TMEM170A: variants seen among roughly 807,000 people sequenced by gnomAD.
TMEM170A encodes the protein transmembrane protein 170.
A neutral mutation model predicts 12.8 loss-of-function variants in TMEM170A; 18 were observed. The observed-to-expected ratio is 1.41, with a 90% CI of 0.97 to 2.09. The LOEUF (loss-of-function observed/expected upper bound fraction) is 2.09. Ranked by LOEUF, TMEM170A falls within the 30% of genes most tolerant of loss-of-function variation. TMEM170A has a pLI of 0.00. For synonymous variants in TMEM170A, 107 were observed against 76.2 expected (o/e 1.40, Z -2.11); for missense variants, 220 against 179.9 (o/e 1.22, Z -1.28).
chr16:75,446,136 C>G lies in TMEM170A; in HGVS notation c.*1422G>C, dbSNP rs544049346. ...GTTGGAGTGAGCTGAGATTGCACCA[C>G]TGCACTCCAGCCTGGGCAACACAGT... is the stretch of plus-strand genomic sequence containing the variant. On this transcript the variant is annotated 3_prime_UTR_variant, in exon 3 of 3. Coordinates refer to ENST00000561878, the MANE Select transcript of TMEM170A (RefSeq NM_145254.3). The G allele has an allele frequency of 6.6e-6, 1 of 151,016 alleles. No individual in the cohort carries two copies. The highest frequency in any genetic ancestry group is 1.5e-5 in the Non-Finnish European group (1 of 67,922). The allele number at this position is 151,016 out of a possible 1,614,324, so 9.4% of individuals were successfully genotyped here.
intron 1 of TMEM170A, among the ~76,000 whole-genome samples, chr16:75,464,041 C>T (rs1439352866): frequency 3.3e-5 from 5 of 152,230 alleles, no homozygotes; most frequent in Non-Finnish European, 7.3e-5. Context: ...AGCGCGAGCT[C>T]TGACTCCTCA....
intron 2 of TMEM170A, among the ~76,000 whole-genome samples, chr16:75,449,173 G>T (rs766316500): frequency 6.6e-6 from 1 of 152,132 alleles, no homozygotes; most frequent in Non-Finnish European, 1.5e-5. Flanking sequence ...CTTTGTCATA[G>T]TGTGTTCATT....
At chr16:75,463,881 G>A (rs2079948875) in intron 1 of TMEM170A, among the ~76,000 whole-genome samples, 1 of 152,236 alleles carries the variant, frequency 6.6e-6, no homozygotes, top group South Asian at 2.1e-4. Flanking sequence ...AAGGCTTAGT[G>A]GGAGACCCAG....
chr16:75,451,840 C>G lies in TMEM170A; in HGVS notation c.134-1G>C. The G allele has an allele frequency of 6.2e-7, 1 of 1,607,816 alleles. No individual in the cohort carries two copies. The highest frequency in any genetic ancestry group is 8.5e-7 in the Non-Finnish European group (1 of 1,176,596). On this transcript the variant is annotated splice_acceptor_variant, in intron 1 of 2. Transcript: ENST00000561878. LOFTEE classifies it high-confidence loss of function. ...CACAGGAATACACCATACCACATCT[C>G]TATGAGGGAAGACAAAGAAAAGTTG... is the stretch of plus-strand genomic sequence containing the variant.
chr16:75,459,207 C>A lies in TMEM170A; in HGVS notation c.133+5261G>T, dbSNP rs2079856565. On this transcript the variant is annotated intron_variant, in intron 1 of 2. Transcript: ENST00000561878. ...CTGTGCCCAGCCTAGACAGACATAT[C>A]TTTAAGATACATATTCAGAGAGATA... Among the ~76,000 whole-genome samples the A allele has an allele frequency of 5.9e-5, 9 of 152,140 alleles. No individual in the cohort carries two copies. In the South Asian group the frequency reaches 1.9e-3, roughly 32 times the overall value.
At chr16:75,463,755 T>C (rs2151654869) in intron 1 of TMEM170A, among the ~76,000 whole-genome samples, 1 of 152,296 alleles carries the variant, frequency 6.6e-6, no homozygotes, top group East Asian at 1.9e-4. Flanking sequence ...TCCCTCCAGC[T>C]TTCAGGGCAC....
chr16:75,462,762 G>A (rs1307865706), intron 1 of TMEM170A, among the ~76,000 whole-genome samples: 2 of 152,114 alleles, frequency 1.3e-5, no homozygotes, highest in Admixed American at 1.3e-4. Flanking sequence ...GTGAACCTTA[G>A]ATCATGGAAT....
chr16:75,454,763 G>A (rs751558418), intron 1 of TMEM170A, among the ~76,000 whole-genome samples: 1 of 152,182 alleles, frequency 6.6e-6, no homozygotes, highest in Non-Finnish European at 1.5e-5. Context: ...GAGCAGTAAC[G>A]GTTGTCATGA....
At chr16:75,450,376 T>C (rs888959960) in intron 2 of TMEM170A, among the ~76,000 whole-genome samples, 1 of 152,180 alleles carries the variant, frequency 6.6e-6, no homozygotes, top group Non-Finnish European at 1.5e-5. Context: ...GTGGCTATTA[T>C]TTAGGGATGA....
At chr16:75,458,033 C>T (rs1239267208) in intron 1 of TMEM170A, among the ~76,000 whole-genome samples, 1 of 152,250 alleles carries the variant, frequency 6.6e-6, no homozygotes, top group Non-Finnish European at 1.5e-5. Flanking sequence ...CTTTAATCTA[C>T]TGCACCTTAA....
intron 1 of TMEM170A, among the ~76,000 whole-genome samples, chr16:75,453,354 A>C (rs577934805): frequency 3.4e-4 from 52 of 152,322 alleles, no homozygotes; most frequent in Admixed American, 1.1e-3. Flanking sequence ...GGATTGCTTG[A>C]GCCTGGGAGG....
intron 1 of TMEM170A, among the ~76,000 whole-genome samples, chr16:75,463,084 G>C (rs975718652): frequency 6.6e-6 from 1 of 152,142 alleles, no homozygotes; most frequent in East Asian, 1.9e-4. Context: ...GAGAGAAAGA[G>C]AAACAGAAAG....
At chr16:75,454,658 G>A (rs1397909893) in intron 1 of TMEM170A, among the ~76,000 whole-genome samples, 2 of 152,042 alleles carry the variant, frequency 1.3e-5, no homozygotes, top group African/African-American at 4.8e-5. Flanking sequence ...AGCAATGACA[G>A]TTAAAGCTAT....
intron 1 of TMEM170A, among the ~76,000 whole-genome samples, chr16:75,459,253 C>G (rs2079857738): frequency 1.3e-5 from 2 of 152,178 alleles, no homozygotes; most frequent in Non-Finnish European, 2.9e-5. Flanking sequence ...AGAACAGACA[C>G]AGAGAGCAGA....
rs1373771770 is a variant in TMEM170A at position 75,444,592 on chromosome 16, A to C, written c.*2966T>G. 6.6e-6 allele frequency: 1 copy of C among 152,096 alleles called. No homozygotes were observed. Among genetic ancestry groups the C allele is most frequent in the African/African-American group, 2.4e-5 (1 of 41,420 alleles). The allele number at this position is 152,096 out of a possible 1,614,324, so 9.4% of individuals were successfully genotyped here. A position where few individuals can be genotyped will look rare whatever the true frequency, so the allele number is the denominator to read the frequency against. ...CCAATATTCTTCCATCTGAGTGACCACCCCCAAATAATTCTATATTTGAGA... is the reference window on the plus strand; with the variant it reads ...CCAATATTCTTCCATCTGAGTGACCCCCCCCAAATAATTCTATATTTGAGA... On this transcript the variant is annotated 3_prime_UTR_variant, in exon 3 of 3. Transcript: ENST00000561878.
At chr16:75,448,366 C>T (rs973733174) in intron 2 of TMEM170A, among the ~76,000 whole-genome samples, 7 of 152,162 alleles carry the variant, frequency 4.6e-5, no homozygotes, top group Admixed American at 3.9e-4. Flanking sequence ...AAAAACAAAA[C>T]GAAAACCCCT....
Position 75,451,847 on chromosome 16 carries a change from G to A in TMEM170A, c.134-8C>T. The A allele has an allele frequency of 1.2e-6, 2 of 1,601,988 alleles. No individual in the cohort carries two copies. Among genetic ancestry groups the A allele is most frequent in the Non-Finnish European group, 1.7e-6 (2 of 1,173,432 alleles). Reference sequence around the variant, plus strand: ...ATACACCATACCACATCTCTATGAGGGAAGACAAAGAAAAGTTGTGAATCA... The same window carrying A: ...ATACACCATACCACATCTCTATGAGAGAAGACAAAGAAAAGTTGTGAATCA... On this transcript the variant is annotated splice_region_variant and splice_polypyrimidine_tract_variant and intron_variant, in intron 1 of 2. Transcript: ENST00000561878.
chr16:75,463,262 G>A (rs8054194), intron 1 of TMEM170A, among the ~76,000 whole-genome samples: 1 of 151,204 alleles, frequency 6.6e-6, no homozygotes, highest in Non-Finnish European at 1.5e-5. Flanking sequence ...AACATTTCAT[G>A]TATCACACAG....
rs144432767 is a variant in TMEM170A at position 75,444,910 on chromosome 16, C to T, written c.*2648G>A. On this transcript the variant is annotated 3_prime_UTR_variant, in exon 3 of 3. Coordinates refer to ENST00000561878, the MANE Select transcript of TMEM170A (RefSeq NM_145254.3). ...CTTAGCTCCAGTGAAAAATATCTAA[C>T]ATTTTAATCATGTATCAGTACTTCA... The T allele has an allele frequency of 7.9e-5, 12 of 152,280 alleles. No homozygotes were observed. The highest frequency in any genetic ancestry group is 2.9e-4 in the African/African-American group (12 of 41,556). The allele number at this position is 152,280 out of a possible 1,614,324, so 9.4% of individuals were successfully genotyped here.
Sources: gnomAD v4.1 joint callset for allele counts (sites outside exome capture counted in the v4.1 genomes callset) on GRCh38, gnomAD v4.1.1 for gene constraint, MANE v1.5 for transcripts, NCBI Gene and HGNC (gene_info 2026-07-23, HGNC 2026-07-21) for gene names.